GPC6: variants seen among roughly 807,000 people sequenced by gnomAD.
GPC6 encodes the protein glypican-6.
In GPC6, 14 loss-of-function variants were observed where a neutral mutation model predicts 55.2. The observed-to-expected ratio is 0.25, with a 90% CI of 0.17 to 0.40. The LOEUF (loss-of-function observed/expected upper bound fraction) is 0.40, where lower values mean the gene tolerates loss of function less well. GPC6 is among the 10% of genes least tolerant of loss of function. The pLI is 1.00. For missense variants in GPC6, 641 were observed against 708.5 expected, an observed-to-expected ratio of 0.90 and a Z score of 1.08; for synonymous variants, 278 against 259.6, an observed-to-expected ratio of 1.07 and a Z score of -0.68.
intron 4 of GPC6, among the ~76,000 whole-genome samples, chr13:94,244,103 T>C (rs1891130479): frequency 6.6e-6 from 1 of 152,206 alleles, no homozygotes; most frequent in African/African-American, 2.4e-5. Flanking sequence ...TACATGTTAC[T>C]ATTTTATTCC....
At chr13:93,898,984 C>CAT (rs1274876362) in intron 3 of GPC6, among the ~76,000 whole-genome samples, 4 of 137,688 alleles carry the variant, frequency 2.9e-5, no homozygotes, top group African/African-American at 1.1e-4. Flanking sequence ...CATATATATA[C>CAT]ATACATCCCA....
chr13:93,352,518 A>C (rs1335532302), intron 1 of GPC6, among the ~76,000 whole-genome samples: 1 of 152,114 alleles, frequency 6.6e-6, no homozygotes, highest in Non-Finnish European at 1.5e-5. Context: ...GGTTTGCTGA[A>C]TTTGAAGTGC....
intron 5 of GPC6, among the ~76,000 whole-genome samples, chr13:94,293,311 T>A (rs943619587): frequency 1.3e-5 from 2 of 152,182 alleles, no homozygotes. Context: ...TAGGAGGTGA[T>A]TGGATTACGG....
chr13:93,385,493 G>A (rs1414428727), intron 1 of GPC6, among the ~76,000 whole-genome samples: 1 of 152,240 alleles, frequency 6.6e-6, no homozygotes, highest in Non-Finnish European at 1.5e-5. Context: ...TAAAGAGGAT[G>A]TGGAGAAACT....
intron 1 of GPC6, among the ~76,000 whole-genome samples, chr13:93,248,230 T>TATGTGA (rs1876667107): frequency 1.3e-5 from 2 of 152,172 alleles, no homozygotes; most frequent in African/African-American, 4.8e-5. Flanking sequence ...AGGTTGATTT[T>TATGTGA]TACAACTGGA....
At chr13:93,239,813 A>G (rs1384359769) in intron 1 of GPC6, among the ~76,000 whole-genome samples, 1 of 151,910 alleles carries the variant, frequency 6.6e-6, no homozygotes, top group Non-Finnish European at 1.5e-5. Flanking sequence ...TATCCCAGAG[A>G]TTTTGATAAC....
At chr13:94,034,247 A>G (rs11618696) in intron 4 of GPC6, among the ~76,000 whole-genome samples, 4,738 of 146,912 alleles carry the variant, frequency 0.032, 119 homozygotes, top group South Asian at 0.043. Flanking sequence ...GAAGGAAGGA[A>G]GGAAAGAAAG....
chr13:94,343,425 C>T (rs546172312), intron 6 of GPC6, among the ~76,000 whole-genome samples: 1 of 152,102 alleles, frequency 6.6e-6, no homozygotes, highest in African/African-American at 2.4e-5. Flanking sequence ...TGAATCAGCA[C>T]GAGGTTGTTT....
intron 1 of GPC6, among the ~76,000 whole-genome samples, chr13:93,324,502 G>A (rs1879568635): frequency 6.8e-6 from 1 of 146,034 alleles, no homozygotes; most frequent in Non-Finnish European, 1.5e-5. Context: ...TGGTTATTAT[G>A]TATTACATGC....
intron 1 of GPC6, among the ~76,000 whole-genome samples, chr13:93,387,514 T>C (rs1875454932): frequency 6.6e-6 from 1 of 152,212 alleles, no homozygotes; most frequent in Non-Finnish European, 1.5e-5. Flanking sequence ...CTCATTCTTT[T>C]TTATGGCTGC....
At chr13:93,568,038 T>C (rs1876223188) in intron 2 of GPC6, among the ~76,000 whole-genome samples, 1 of 152,170 alleles carries the variant, frequency 6.6e-6, no homozygotes, top group Non-Finnish European at 1.5e-5. Flanking sequence ...GTGGTATGGT[T>C]TAGTTCATCA....
chr13:93,783,591 T>TATCTATCC (rs1470044414), intron 2 of GPC6, among the ~76,000 whole-genome samples: 1 of 152,120 alleles, frequency 6.6e-6, no homozygotes, highest in East Asian at 1.9e-4. Context: ...TCTATCTATC[T>TATCTATCC]ATCTATCTAT....
chr13:94,347,217 G>C (rs1310313518), intron 6 of GPC6, among the ~76,000 whole-genome samples: 1 of 152,188 alleles, frequency 6.6e-6, no homozygotes, highest in East Asian at 1.9e-4. Context: ...CCATATCCAG[G>C]ATGGTTCTTC....
chr13:94,242,796 A>G (rs1234199223), intron 4 of GPC6, among the ~76,000 whole-genome samples: 1 of 152,148 alleles, frequency 6.6e-6, no homozygotes. Context: ...GAACTCTGAA[A>G]GAGTGGTTGG....
At chr13:93,570,286 G>A (rs1298868731) in intron 2 of GPC6, among the ~76,000 whole-genome samples, 1 of 152,124 alleles carries the variant, frequency 6.6e-6, no homozygotes, top group East Asian at 1.9e-4. Flanking sequence ...GCACATGAAT[G>A]CTGATGTTCT....
intron 1 of GPC6, among the ~76,000 whole-genome samples, chr13:93,544,845 A>G (rs1028902258): frequency 1.3e-5 from 2 of 152,142 alleles, no homozygotes; most frequent in African/African-American, 4.8e-5. Context: ...AACCCAAGGG[A>G]CAGTTATCAT....
intron 4 of GPC6, among the ~76,000 whole-genome samples, chr13:94,064,377 A>C (rs757957234): frequency 6.6e-6 from 1 of 152,030 alleles, no homozygotes; most frequent in African/African-American, 2.4e-5. Flanking sequence ...ATTTCAACAC[A>C]CTTGAAAAAG....
At chr13:93,228,858 G>T (rs779775131) in intron 1 of GPC6, among the ~76,000 whole-genome samples, 6 of 152,134 alleles carry the variant, frequency 3.9e-5, no homozygotes, top group Admixed American at 3.9e-4. Context: ...GTTTCGATAC[G>T]TTGAGGAATT....
chr13:93,650,754 T>C (rs976092921), intron 2 of GPC6, among the ~76,000 whole-genome samples: 3 of 152,206 alleles, frequency 2.0e-5, no homozygotes, highest in African/African-American at 7.2e-5. Context: ...CGTTAATAGG[T>C]ATCTCAAGTA....
Sources: gnomAD v4.1 joint callset for allele counts (sites outside exome capture counted in the v4.1 genomes callset) on GRCh38, gnomAD v4.1.1 for gene constraint, MANE v1.5 for transcripts, NCBI Gene and HGNC (gene_info 2026-07-23, HGNC 2026-07-21) for gene names.